Variants in TYK2 observed in about 807,000 individuals in gnomAD.
TYK2 encodes tyrosine kinase 2, also known as non-receptor tyrosine-protein kinase TYK2.
A neutral mutation model predicts 130.9 loss-of-function variants in TYK2; 65 were observed. The observed-to-expected ratio is 0.50, with a 90% confidence interval of 0.41 to 0.61. The LOEUF (loss-of-function observed/expected upper bound fraction) is 0.61. Among genes scored for constraint, TYK2 ranks in the 20% least tolerant of loss-of-function variants. The pLI is 0.00. For missense variants in TYK2, 1,378 were observed against 1,610.7 expected (o/e 0.86, Z 2.47); for synonymous variants, 647 against 658.9 (o/e 0.98, Z 0.28).
chr19:10,363,603 G>A (rs1416118975), intron 9 of TYK2, among the ~76,000 whole-genome samples: 1 of 152,102 alleles, frequency 6.6e-6, no homozygotes, highest in Non-Finnish European at 1.5e-5. Context: ...CACTCACAAG[G>A]GTGACACACG....
chr19:10,353,569 C>T lies in TYK2; in HGVS notation c.2986G>A (p.Gly996Arg), dbSNP rs772177678. The T allele has an allele frequency of 4.7e-6, 7 of 1,493,516 alleles. No homozygotes were observed. Among genetic ancestry groups the T allele is most frequent in the Middle Eastern group, 1.9e-4 (1 of 5,208 alleles). The allele number at this position is 1,493,516 out of a possible 1,614,324, so 92.5% of individuals were successfully genotyped here. A position where few individuals can be genotyped will look rare whatever the true frequency, so the allele number is the denominator to read the frequency against. Residue 996 changes from glycine to arginine, a missense_variant, in exon 21 of 25, where the codon GGG becomes AGG. Physicochemically the swap from Gly to Arg is moderately radical, Grantham distance 125. Coordinates refer to ENST00000525621, the MANE Select transcript of TYK2 (RefSeq NM_003331.5). This position sits in a 1 kb window ranked among gnomAD's most constrained non-coding sequence, Gnocchi z 6.9. The stretch of plus-strand genomic sequence containing the variant: ...GCGAAGAGCAGCAGCTGGGCCAGCC[C>T]GATGCTGTGCCGGGGCAGGTAGTCT... ...LRDYLPRHSIGLAQLLLFAQQ... is the reference protein window; with the variant it reads ...LRDYLPRHSIRLAQLLLFAQQ...
intron 7 of TYK2, 68 bp from the exon 8 acceptor site, chr19:10,365,116 C>G (rs2041600464): frequency 1.4e-6 from 2 of 1,476,664 alleles, no homozygotes; most frequent in Non-Finnish European, 1.8e-6. Context: ...TGCACTTTCC[C>G]CTGGGGAGAG....
rs1245382426 is a variant in TYK2, at chr19:10,365,809, C to T, written c.719G>A (p.Arg240Lys). ...TRLRLRNVFR[R>K]FLRDFQPGRL... ...GCCCGGCTGGAAGTCCCGCAGGAAC[C>T]TGCGGAAGACGTTCCGAAGGCGCAG... is the stretch of plus-strand genomic sequence containing the variant. The change falls in exon 7 of 25, where the codon AGG (arginine) becomes AAG (lysine). Residue 240 changes from arginine (R) to lysine (K), a missense_variant. Arg to Lys is a conservative substitution (Grantham distance 26). Coordinates refer to ENST00000525621, the MANE Select transcript of TYK2 (RefSeq NM_003331.5). 3.1e-6 allele frequency: 5 copies of T among 1,612,308 alleles called. No homozygotes were observed.
In TYK2 at chr19:10,355,595, G is replaced by A. The variant is rs141000043; in HGVS notation, c.2617+973C>T. Among the ~76,000 whole-genome samples the A allele has an allele frequency of 4.9e-3, 721 of 147,074 alleles. 13 individuals carry two copies. Among genetic ancestry groups the A allele is most frequent in the East Asian group, 0.03 (152 of 5,048 alleles). Reference sequence around the variant, plus strand: ...GCGGAGGTTGCAGTGGGCCGAGATCGTGCCATTGCACTCCAGCCTGTGCAA... The same window carrying A: ...GCGGAGGTTGCAGTGGGCCGAGATCATGCCATTGCACTCCAGCCTGTGCAA... On this transcript the variant is annotated intron_variant, in intron 18 of 24. Transcript: ENST00000525621.
intron 3 of TYK2, among the ~76,000 whole-genome samples, chr19:10,372,480 A>ATTTTTT (rs1368114611): frequency 4.7e-4 from 30 of 64,002 alleles, no homozygotes; most frequent in African/African-American, 1.4e-3. Flanking sequence ...ATATATATAT[A>ATTTTTT]TATATTTTTT....
Position 10,358,133 on chromosome 19 carries a change from G to A in TYK2, c.2181C>T (p.Asn727=). 6.2e-7 allele frequency: 1 copy of A among 1,607,430 alleles called. No individual in the cohort carries two copies. The highest frequency in any genetic ancestry group is 8.5e-7 in the Non-Finnish European group (1 of 1,177,466). The change falls in exon 16 of 25, where the codon AAC becomes AAT. Residue 727 remains asparagine (N), a synonymous_variant. Coordinates refer to ENST00000525621, the MANE Select transcript of TYK2 (RefSeq NM_003331.5). ...QLASALSYLE[N]KNLVHGNVCG... Reference sequence around the variant, plus strand: ...ACACATTACCATGAACCAGGTTCTTGTTCTCCTGAGGTGGGCAGGAGAGGG... The same window carrying A: ...ACACATTACCATGAACCAGGTTCTTATTCTCCTGAGGTGGGCAGGAGAGGG...
In TYK2 at chr19:10,378,263, C is replaced by T. The variant is rs572452191; in HGVS notation, c.144G>A (p.Glu48=). ...GGGEPWVTFS[E]SSLTAEEVCI... ...AGACTTCCTCAGCTGTCAGCGATGA[C>T]TCACTGAAAGTGACCCAGGGCTCCC... Residue 48 remains glutamate (E), a synonymous_variant, in exon 3 of 25, where the codon GAG becomes GAA. Coordinates refer to ENST00000525621, the MANE Select transcript of TYK2 (RefSeq NM_003331.5). 1.2e-6 allele frequency: 2 copies of T among 1,612,950 alleles called. No homozygotes were observed. Among genetic ancestry groups the T allele is most frequent in the East Asian group, 2.2e-5 (1 of 44,884 alleles).
intron 15 of TYK2, among the ~76,000 whole-genome samples, chr19:10,358,969 G>A (rs1358731273): frequency 5.3e-5 from 8 of 152,088 alleles, no homozygotes; most frequent in South Asian, 4.1e-4. Flanking sequence ...AGGCTGAGGC[G>A]GGAGAATCAT....
intron 15 of TYK2, 137 bp downstream of exon 15, chr19:10,359,038 G>T: frequency 8.5e-7 from 1 of 1,182,226 alleles, no homozygotes; most frequent in Non-Finnish European, 1.2e-6. Context: ...ACTCCAGCCT[G>T]GGTGACAGGG....
In TYK2 at chr19:10,362,683, C is replaced by T. The variant is rs1458553564; in HGVS notation, c.1368-26G>A. The T allele has an allele frequency of 1.9e-6, 3 of 1,543,150 alleles. No homozygotes were observed. The South Asian group carries it at 3.6e-5, about 18-fold the overall frequency. ...CTGGAAGGTGGTCCAGGGGGACTAT[C>T]AGGCCACCTGGGGCCACTCTGGACC... On this transcript the variant is annotated intron_variant, in intron 9 of 24. Transcript: ENST00000525621.
intron 3 of TYK2, among the ~76,000 whole-genome samples, chr19:10,370,835 G>A (rs280525): frequency 0.52 from 78,121 of 151,242 alleles, 20,404 homozygotes; most frequent in East Asian, 0.58. Flanking sequence ...ATAATAAAAT[G>A]AAATAAATAA....
At chr19:10,370,353 GA>G (rs537090714) in intron 3 of TYK2, among the ~76,000 whole-genome samples, 5 of 142,892 alleles carry the variant, frequency 3.5e-5, no homozygotes, top group East Asian at 2.1e-4. Context: ...AGTGAGATCT[GA>G]AAAAAAAAAA....
Position 10,350,936 on chromosome 19 carries a change from T to C in TYK2, c.3462A>G (p.Thr1154=). 6.2e-7 allele frequency: 1 copy of C among 1,614,232 alleles called. No homozygotes were observed. The highest frequency in any genetic ancestry group is 1.3e-5 in the African/African-American group (1 of 75,066). Residue 1154 remains threonine (T), a synonymous_variant, in exon 25 of 25, where the codon ACA becomes ACG. Coordinates refer to ENST00000525621, the MANE Select transcript of TYK2 (RefSeq NM_003331.5). The part of the protein sequence containing the change: ...VYHLMKNCWE[T]EASFRPTFEN... ...CGAAGGTTGGGCGAAAGGACGCCTC[T>C]GTCTCCCAGCAGTTCTTCATGAGAT...
intron 3 of TYK2, among the ~76,000 whole-genome samples, chr19:10,375,416 G>A (rs1278267647): frequency 1.3e-5 from 2 of 151,832 alleles, no homozygotes; most frequent in East Asian, 1.9e-4. Flanking sequence ...TCAGAAGTTC[G>A]AGACCAGCCT....
At chr19:10,362,701 T>A in intron 9 of TYK2, 44 bp from the exon 10 acceptor site, 4 of 1,483,928 alleles carry the variant, frequency 2.7e-6, no homozygotes, top group Non-Finnish European at 2.8e-6. Context: ...CTGGGGCCAC[T>A]CTGGACCCAT....
intron 7 of TYK2, 66 bp from the exon 8 acceptor site, chr19:10,365,114 C>T (rs1344372747): frequency 2.7e-6 from 4 of 1,483,030 alleles, no homozygotes; most frequent in East Asian, 4.8e-5. Flanking sequence ...CCTGCACTTT[C>T]CCCTGGGGAG....
intron 14 of TYK2, among the ~76,000 whole-genome samples, chr19:10,360,524 A>G (rs1270119210): frequency 6.6e-6 from 1 of 152,052 alleles, no homozygotes; most frequent in Non-Finnish European, 1.5e-5. Context: ...AGGTGAGCCT[A>G]CAAAGTAAGC....
chr19:10,373,302 C>T (rs577176349), intron 3 of TYK2, among the ~76,000 whole-genome samples: 14 of 151,674 alleles, frequency 9.2e-5, no homozygotes, highest in African/African-American at 2.2e-4. Flanking sequence ...CCTCCCTAAG[C>T]GCAAGGATTA....
Position 10,364,251 on chromosome 19 carries a change from C to T in TYK2, c.1367+363G>A, listed in dbSNP as rs2041542830. 6.6e-6 allele frequency among the ~76,000 whole-genome samples: 1 copy of T among 152,176 alleles called. No homozygotes were observed. The highest frequency in any genetic ancestry group is 2.1e-4 in the South Asian group (1 of 4,828). ...CATGGCCGGGCGTGGTGGCTCATGC[C>T]TGTAATACCAGCACTTTGGGAGGCC... On this transcript the variant is annotated intron_variant, in intron 9 of 24. Coordinates refer to ENST00000525621, the MANE Select transcript of TYK2 (RefSeq NM_003331.5). The surrounding 1 kb of genome is among the most constrained non-coding windows in gnomAD (Gnocchi z 4.9).
Sources: gnomAD v4.1 joint callset for allele counts (sites outside exome capture counted in the v4.1 genomes callset) on GRCh38, gnomAD v4.1.1 for gene constraint, Gnocchi (gnomAD v3.1) non-coding constraint, MANE v1.5 for transcripts, NCBI Gene and HGNC (gene_info 2026-07-23, HGNC 2026-07-21) for gene names.